CNTN4: variants seen among roughly 807,000 people sequenced by gnomAD.
CNTN4 encodes the protein contactin-4.
A neutral mutation model predicts 122.5 loss-of-function variants in CNTN4; 77 were observed. The observed-to-expected ratio is 0.63, with a 90% CI of 0.52 to 0.76. CNTN4 has a LOEUF of 0.76. CNTN4 is among the 30% of genes least tolerant of loss of function. The pLI is 0.00. For missense variants in CNTN4, 1,256 were observed against 1,259.1 expected, an observed-to-expected ratio of 1.00 and a Z score of 0.04; for synonymous variants, 512 against 447.0, an observed-to-expected ratio of 1.15 and a Z score of -1.83.
intron 4 of CNTN4, among the ~76,000 whole-genome samples, chr3:2,578,999 GT>G (rs1227586373): frequency 6.6e-6 from 1 of 152,206 alleles, no homozygotes; most frequent in Non-Finnish European, 1.5e-5. Context: ...TAATGAAGAT[GT>G]TGAGGTAAAT....
chr3:2,168,568 AAT>A (rs2036303480), intron 2 of CNTN4, among the ~76,000 whole-genome samples: 1 of 151,952 alleles, frequency 6.6e-6, no homozygotes, highest in Non-Finnish European at 1.5e-5. Context: ...TATAAAACAA[AAT>A]AAATTAATAA....
rs529275896 is a variant in CNTN4, at chr3:2,187,004, G to A, written c.-145+86365G>A. Among the ~76,000 whole-genome samples, 11 of 152,292 alleles carry A rather than the reference G, an allele frequency of 7.2e-5. No individual in the cohort carries two copies. In the South Asian group the frequency reaches 2.3e-3, roughly 32 times the overall value. ...TTTTAGACATGAAGTCCTTGCCCAT[G>A]CCTATGTCCTGAATGGTATTGCCTA... On this transcript the variant is annotated intron_variant, in intron 2 of 24. Coordinates refer to ENST00000418658, the MANE Select transcript of CNTN4 (RefSeq NM_175607.3).
chr3:2,100,098 G>A (rs1427909665), intron 1 of CNTN4, among the ~76,000 whole-genome samples: 1 of 152,132 alleles, frequency 6.6e-6, no homozygotes, highest in African/African-American at 2.4e-5. Context: ...GTTGTGTAGG[G>A]CGAGTCAGTG....
chr3:2,891,379 G>A (rs1288163358), intron 10 of CNTN4, among the ~76,000 whole-genome samples: 2 of 152,060 alleles, frequency 1.3e-5, no homozygotes, highest in African/African-American at 4.8e-5. Flanking sequence ...CCCAGGAGGC[G>A]GAGGTTCCAG....
intron 7 of CNTN4, among the ~76,000 whole-genome samples, chr3:2,838,985 A>G (rs1486643005): frequency 2.0e-5 from 3 of 152,164 alleles, no homozygotes; most frequent in Non-Finnish European, 2.9e-5. Context: ...GTAGATTATT[A>G]TCTCAAATGA....
At chr3:2,458,354 A>C (rs2049077234) in intron 3 of CNTN4, among the ~76,000 whole-genome samples, 1 of 152,164 alleles carries the variant, frequency 6.6e-6, no homozygotes, top group South Asian at 2.1e-4. Context: ...TGACATACAT[A>C]TCTTTCTTGT....
At chr3:2,184,725 T>G (rs2037169097) in intron 2 of CNTN4, among the ~76,000 whole-genome samples, 1 of 152,152 alleles carries the variant, frequency 6.6e-6, no homozygotes, top group East Asian at 1.9e-4. Flanking sequence ...CTCTGGAGGA[T>G]GCAGCAACAG....
intron 4 of CNTN4, among the ~76,000 whole-genome samples, chr3:2,706,612 T>C (rs945349832): frequency 6.6e-6 from 1 of 152,200 alleles, no homozygotes; most frequent in Non-Finnish European, 1.5e-5. Flanking sequence ...TGCAACAGTT[T>C]GTTTCTCGGG....
At chr3:2,349,127 A>G (rs1424514638) in intron 3 of CNTN4, among the ~76,000 whole-genome samples, 1 of 152,230 alleles carries the variant, frequency 6.6e-6, no homozygotes, top group African/African-American at 2.4e-5. Flanking sequence ...TAAATATTTT[A>G]TATGCATCTG....
At chr3:2,433,592 T>A (rs1225144758) in intron 3 of CNTN4, among the ~76,000 whole-genome samples, 1 of 152,224 alleles carries the variant, frequency 6.6e-6, no homozygotes, top group Non-Finnish European at 1.5e-5. Context: ...TTATTAGTTG[T>A]TTCTTTGGCT....
chr3:2,426,420 C>T (rs1487177451), intron 3 of CNTN4, among the ~76,000 whole-genome samples: 4 of 152,098 alleles, frequency 2.6e-5, no homozygotes, highest in African/African-American at 4.8e-5. Context: ...GGATGAAACC[C>T]ACTTGATCAT....
At chr3:2,339,497 CA>C (rs1366824734) in intron 3 of CNTN4, among the ~76,000 whole-genome samples, 3 of 152,052 alleles carry the variant, frequency 2.0e-5, no homozygotes, top group Non-Finnish European at 4.4e-5. Flanking sequence ...TTTGATAATC[CA>C]AAAATTTTAG....
At chr3:2,223,105 T>A (rs537755455) in intron 2 of CNTN4, among the ~76,000 whole-genome samples, 18 of 152,272 alleles carry the variant, frequency 1.2e-4, no homozygotes, top group African/African-American at 3.8e-4. Flanking sequence ...TAGGGCTTGT[T>A]TTCTGTGTTA....
rs116644670 is a variant in CNTN4 at position 2,900,471 on chromosome 3, T to G, written c.941-214T>G. Among the ~76,000 whole-genome samples, 742 of 152,310 alleles carry G rather than the reference T, an allele frequency of 4.9e-3. 12 individuals are homozygous for G. The highest frequency in any genetic ancestry group is 0.017 in the African/African-American group (709 of 41,578). ...ATTGGTAGTTTTATCCATTTTGCAT[T>G]TAGCGATTAAAAGACTACAATATGA... is the stretch of plus-strand genomic sequence containing the variant. On this transcript the variant is annotated intron_variant, in intron 10 of 24. Coordinates refer to ENST00000418658, the MANE Select transcript of CNTN4 (RefSeq NM_175607.3).
In CNTN4 at chr3:2,120,384, T is replaced by TATATATATATATAA. The variant is rs1553568245; in HGVS notation, c.-145+19758_-145+19759insAATATATATATATA. Among the ~76,000 whole-genome samples the TATATATATATATAA allele has an allele frequency of 1.1e-3, 32 of 29,862 alleles. No individual in the cohort carries two copies. The East Asian group carries it at 0.024, about 23-fold the overall frequency. 19.6% of individuals were successfully genotyped at this position (29,862 alleles called of 152,430 possible). ...ATATATATATATATAAATATATATA[T>TATATATATATATAA]ATATATATATATATATATATATTTT... On this transcript the variant is annotated intron_variant, in intron 2 of 24. Transcript: ENST00000418658.
At chr3:2,924,313 C>A (rs948435323) in intron 12 of CNTN4, among the ~76,000 whole-genome samples, 1 of 151,930 alleles carries the variant, frequency 6.6e-6, no homozygotes, top group Admixed American at 6.6e-5. Context: ...CCCATTACCC[C>A]CCAAGCCCCC....
rs1237427270 is a variant in CNTN4 at position 2,916,657 on chromosome 3, C to G, written c.1208-8972C>G. Among the ~76,000 whole-genome samples, 5 of 123,750 alleles carry G rather than the reference C, an allele frequency of 4.0e-5. 1 individual carries two copies. Among genetic ancestry groups the G allele is most frequent in the Non-Finnish European group, 8.6e-5 (5 of 58,008 alleles). The allele number at this position is 123,750 out of a possible 152,430, so 81.2% of individuals were successfully genotyped here. ...CTCTTTCCTTTCCCCACACTTCCCC[C>G]CCTTCCACTCGACAAAACCGCCATC... On this transcript the variant is annotated intron_variant, in intron 12 of 24. Coordinates refer to ENST00000418658, the MANE Select transcript of CNTN4 (RefSeq NM_175607.3).
At chr3:2,720,630 CCTAT>C (rs781445224) in intron 4 of CNTN4, among the ~76,000 whole-genome samples, 5 of 152,264 alleles carry the variant, frequency 3.3e-5, no homozygotes, top group African/African-American at 9.6e-5. Context: ...CATGTGTCTT[CCTAT>C]CTATTAGATA....
chr3:2,791,213 T>G (rs2091999298), intron 6 of CNTN4, among the ~76,000 whole-genome samples: 1 of 152,182 alleles, frequency 6.6e-6, no homozygotes, highest in Non-Finnish European at 1.5e-5. Context: ...ATTTTTATTA[T>G]TTAGTTCAGA....
Sources: allele counts gnomAD v4.1 joint callset (sites outside exome capture counted in the v4.1 genomes callset), GRCh38; gene constraint gnomAD v4.1.1; transcripts MANE v1.5; gene names NCBI Gene and HGNC (gene_info 2026-07-23, HGNC 2026-07-21).